The following PER2 variants were observed in gnomAD, a reference collection of about 807,000 sequenced individuals.
PER2 encodes period circadian regulator 2.
PER2 carries 66 observed loss-of-function variants against 121.0 expected under a neutral mutation model. The observed-to-expected ratio is 0.55, with a 90% CI of 0.45 to 0.67. The LOEUF (loss-of-function observed/expected upper bound fraction) is 0.67, where lower values mean the gene tolerates loss of function less well. PER2 is among the 30% of genes least tolerant of loss of function. PER2 has a pLI of 0.00. For missense variants in PER2, 1,521 were observed against 1,635.0 expected (o/e 0.93, Z 1.20); for synonymous variants, 684 against 659.9 (o/e 1.04, Z -0.56).
At chr2:238,280,179 T>C (rs1396772776) in intron 1 of PER2, among the ~76,000 whole-genome samples, 2 of 152,166 alleles carry the variant, frequency 1.3e-5, no homozygotes, top group Non-Finnish European at 2.9e-5. Context: ...GGGTGCCGGA[T>C]TCCAACAGCT....
intron 1 of PER2, among the ~76,000 whole-genome samples, chr2:238,280,869 G>A (rs994356742): frequency 2.0e-5 from 3 of 151,928 alleles, no homozygotes; most frequent in Non-Finnish European, 4.4e-5. Context: ...GATGACAAAC[G>A]GTATCTTCAA....
At position 238,273,122 on chromosome 2, in the gene PER2, T is replaced by C; in HGVS notation, c.518A>G (p.Tyr173Cys). ...GHPCGADVPS[Y>C]TVEEMESVTS... ...AACGCTCTCCATCTCCTCCACGGTG[T>C]AGGAGGGCACGTCTGCTCCACAGGG... The change falls in exon 5 of 23, where the codon TAC (tyrosine) becomes TGC (cysteine). Residue 173 changes from tyrosine to cysteine, a missense_variant. By Grantham distance (194) the Tyr-to-Cys change is radical (BLOSUM62 -2). Transcript: ENST00000254657. The C allele has an allele frequency of 4.3e-6, 7 of 1,609,934 alleles. No individual in the cohort carries two copies. Among genetic ancestry groups the C allele is most frequent in the Non-Finnish European group, 6.0e-6 (7 of 1,176,122 alleles).
At position 238,256,930 on chromosome 2, in the gene PER2, G is replaced by A. The variant is rs145738398; in HGVS notation, c.2057C>T (p.Pro686Leu). Residue 686 changes from proline (P) to leucine (L), a missense_variant, in exon 17 of 23, where the codon CCG becomes CTG. Pro to Leu is a moderately conservative substitution (Grantham distance 98, BLOSUM62 -3). Transcript: ENST00000254657. ...IVHVGDKKPQ[P>L]ELEMVEDAAS... is the part of the protein sequence containing the mutation. The stretch of plus-strand genomic sequence containing the variant: ...AGAGCCCATAGTCATACCTAACTCC[G>A]GCTGCGGCTTCTTGTCTCCCACATG... The A allele has an allele frequency of 1.5e-5, 24 of 1,613,902 alleles. No individual in the cohort carries two copies. The highest frequency in any genetic ancestry group is 2.2e-5 in the South Asian group (2 of 91,084).
rs537316218 is a variant in PER2 at position 238,249,116 on chromosome 2, G to C, written c.3564C>G (p.Arg1188=). 20 of 1,614,190 alleles carry C rather than the reference G, an allele frequency of 1.2e-5. No individual in the cohort carries two copies. The highest frequency in any genetic ancestry group is 1.7e-5 in the Non-Finnish European group (20 of 1,179,998). The stretch of plus-strand genomic sequence containing the variant: ...CCGTCTGCATCCACTGGTGGACCTC[G>C]CGCAGCTCCTGCTTCTGACTCTCCG... ...RFTESQKQEL[R]EVHQWMQTGG... The change falls in exon 22 of 23, where the codon CGC becomes CGG. Residue 1188 remains arginine (R), a synonymous_variant. Coordinates refer to ENST00000254657, the MANE Select transcript of PER2 (RefSeq NM_022817.3).
At position 238,280,404 on chromosome 2, in the gene PER2, T is replaced by G. The variant is rs534071247; in HGVS notation, c.-19-2449A>C. Among the ~76,000 whole-genome samples the G allele has an allele frequency of 1.7e-3, 255 of 152,316 alleles. 2 individuals carry two copies. The highest frequency in any genetic ancestry group is 2.7e-3 in the Non-Finnish European group (184 of 68,026). ...ACAGAAGAAAGCCAACACGGGGCTG[T>G]GGAAAACACACACAGCAAAGACAAC... is the stretch of plus-strand genomic sequence containing the variant. On this transcript the variant is annotated intron_variant, in intron 1 of 22. Transcript: ENST00000254657.
chr2:238,295,079 G>A (rs1201245486), upstream of PER2, among the ~76,000 whole-genome samples: 1 of 152,210 alleles, frequency 6.6e-6, no homozygotes, highest in African/African-American at 2.4e-5. Context: ...CACTGCTTCT[G>A]TGGCTCACAG....
At chr2:238,250,131 C>G (rs1205096884) in intron 21 of PER2, among the ~76,000 whole-genome samples, 1 of 152,242 alleles carries the variant, frequency 6.6e-6, no homozygotes, top group East Asian at 1.9e-4. Flanking sequence ...GCAGCCCGCT[C>G]CCTGGGCTGG....
chr2:238,275,848 G>C lies in PER2; in HGVS notation c.343C>G (p.Leu115Val), dbSNP rs754052520. ...GGGAGGTGGACCTTCAGCTCCTTTAGTGTTTTTATCAGTTCTTTGTGTGTG... is the reference window on the plus strand; with the variant it reads ...GGGAGGTGGACCTTCAGCTCCTTTACTGTTTTTATCAGTTCTTTGTGTGTG... The part of the protein sequence containing the change: ...VDTHKELIKT[L>V]KELKVHLPAD... The change falls in exon 4 of 23, where the codon CTA (leucine) becomes GTA (valine). Residue 115 changes from leucine (L) to valine (V), a missense_variant. Transcript: ENST00000254657. 1 of 1,614,216 alleles carries C rather than the reference G, an allele frequency of 6.2e-7. No individual in the cohort carries two copies. The highest frequency in any genetic ancestry group is 8.5e-7 in the Non-Finnish European group (1 of 1,180,008).
chr2:238,275,721 C>T lies in PER2; in HGVS notation c.448+22G>A, dbSNP rs202052567. 3 of 1,610,106 alleles carry T rather than the reference C, an allele frequency of 1.9e-6. No homozygotes were observed. In the Admixed American group the frequency reaches 5.0e-5, roughly 27 times the overall value. Reference sequence around the variant, plus strand: ...AAAACATATTTCTATAGGTTTGGAGCAGATGTGCGAGGCCGACGTACCTTT... The same window carrying T: ...AAAACATATTTCTATAGGTTTGGAGTAGATGTGCGAGGCCGACGTACCTTT... On this transcript the variant is annotated intron_variant, in intron 4 of 22. Transcript: ENST00000254657.
chr2:238,256,487 A>G (rs6431590), intron 17 of PER2, among the ~76,000 whole-genome samples: 64,615 of 152,098 alleles, frequency 0.42, 15,444 homozygotes, highest in African/African-American at 0.66. Context: ...CAATGCGCTC[A>G]TTGTAAATCT....
chr2:238,265,118 T>C (rs1696053283), intron 9 of PER2, among the ~76,000 whole-genome samples: 1 of 152,192 alleles, frequency 6.6e-6, no homozygotes, highest in Admixed American at 6.5e-5. Flanking sequence ...CTCTGAGGCA[T>C]GGAGAAAATC....
At chr2:238,298,626 C>A in the PER2 span, 1 of 152,176 alleles carries the variant, frequency 6.6e-6, no homozygotes, top group Non-Finnish European at 1.5e-5. Flanking sequence ...GCCCACAAAG[C>A]CTGAATTACT....
chr2:238,278,056 G>A (rs1379771813), intron 1 of PER2, 101 bp from the exon 2 acceptor site: 11 of 1,209,164 alleles, frequency 9.1e-6, no homozygotes, highest in Non-Finnish European at 1.3e-5. Context: ...TGTTACTAAT[G>A]AAACTGCAGT....
chr2:238,268,177 A>C lies in PER2; in HGVS notation c.846T>G (p.Asn282Lys), dbSNP rs1212332868. ...CRVSVRKSHE[N>K]EIRYHPFRMT... The stretch of plus-strand genomic sequence containing the variant: ...TGCGGAAGGGGTGGTAGCGGATTTC[A>C]TTCTCGTGGCTTTTCCGGACACTGC... Residue 282 changes from asparagine (N) to lysine (K), a missense_variant, in exon 8 of 23, where the codon AAT (asparagine) becomes AAG (lysine). Physicochemically the swap from Asn to Lys is moderately conservative, Grantham distance 94 (BLOSUM62 0). Coordinates refer to ENST00000254657, the MANE Select transcript of PER2 (RefSeq NM_022817.3). The surrounding 1 kb of genome is among the most constrained non-coding windows in gnomAD (Gnocchi z 4.0). The C allele has an allele frequency of 1.2e-6, 2 of 1,614,068 alleles. No homozygotes were observed. The highest frequency in any genetic ancestry group is 1.7e-6 in the Non-Finnish European group (2 of 1,180,004).
At chr2:238,274,232 G>A (rs1023695996) in intron 4 of PER2, among the ~76,000 whole-genome samples, 3 of 152,242 alleles carry the variant, frequency 2.0e-5, no homozygotes, top group Admixed American at 6.5e-5. Flanking sequence ...TCTGGGTGTC[G>A]GTGCTCATGG....
At chr2:238,294,486 GC>G (rs1412678361), upstream of PER2, among the ~76,000 whole-genome samples, 1 of 152,142 alleles carries the variant, frequency 6.6e-6, no homozygotes, top group Non-Finnish European at 1.5e-5. Context: ...TGGCTGTCGG[GC>G]CCCCCGTGGC....
At chr2:238,258,450 G>A (rs1246858510) in intron 15 of PER2, 47 bp downstream of exon 15, 13 of 1,613,972 alleles carry the variant, frequency 8.1e-6, no homozygotes, top group Non-Finnish European at 1.1e-5. Flanking sequence ...ATGAGAGGAG[G>A]GAAGGTGTGT....
Position 238,252,272 on chromosome 2 carries a change from G to A in PER2, c.3112-511C>T, listed in dbSNP as rs1695626482. 6.6e-6 allele frequency among the ~76,000 whole-genome samples: 1 copy of A among 152,246 alleles called. No individual in the cohort carries two copies. Among genetic ancestry groups the A allele is most frequent in the South Asian group, 2.1e-4 (1 of 4,836 alleles). On this transcript the variant is annotated intron_variant, in intron 19 of 22. Transcript: ENST00000254657. The surrounding 1 kb of genome is among the most constrained non-coding windows in gnomAD (Gnocchi z 4.2). ...TGGGAGAAGCTCCACAGATCTACAT[G>A]CTTGCACTTCCTCACCCGGGAGCCC... is the stretch of plus-strand genomic sequence containing the variant.
rs1006737543 is a variant in PER2 at position 238,262,820 on chromosome 2, G to C, written c.1153+132C>G. 4 of 708,966 alleles carry C rather than the reference G, an allele frequency of 5.6e-6. No individual in the cohort carries two copies. The Admixed American group carries it at 8.1e-5, about 14-fold the overall frequency. 43.9% of individuals were successfully genotyped at this position (708,966 alleles called of 1,614,324 possible). On this transcript the variant is annotated intron_variant, in intron 10 of 22. Transcript: ENST00000254657. ...TGCAGTGCCAGGAGGGAGGCGGCGAGGCGGGCGTCTACCACCTGCTTGTCC... is the reference window on the plus strand; with the variant it reads ...TGCAGTGCCAGGAGGGAGGCGGCGACGCGGGCGTCTACCACCTGCTTGTCC...
Sources: gnomAD v4.1 joint callset for allele counts (sites outside exome capture counted in the v4.1 genomes callset) on GRCh38, gnomAD v4.1.1 for gene constraint, Gnocchi (gnomAD v3.1) non-coding constraint, MANE v1.5 for transcripts, NCBI Gene and HGNC (gene_info 2026-07-23, HGNC 2026-07-21) for gene names.